The following ALG14 variants were observed in gnomAD, a reference collection of about 807,000 sequenced individuals.
ALG14 encodes the protein ALG14 UDP-N-acetylglucosaminyltransferase subunit.
ALG14 carries 17 observed loss-of-function variants against 22.8 expected under a neutral mutation model. The ratio of observed to expected loss-of-function variants is 0.75; its 90% CI spans 0.51 to 1.12. The LOEUF (loss-of-function observed/expected upper bound fraction) is 1.12, where lower values mean the gene tolerates loss of function less well. Ranked by LOEUF, ALG14 falls within the 50% of genes most tolerant of loss-of-function variation. ALG14 has a pLI of 0.00. For missense variants in ALG14, 288 were observed against 271.8 expected, an observed-to-expected ratio of 1.06 and a Z score of -0.42; for synonymous variants, 89 against 103.7, an observed-to-expected ratio of 0.86 and a Z score of 0.86.
intron 2 of ALG14, among the ~76,000 whole-genome samples, chr1:95,050,477 G>GCTTTAT (rs1674709447): frequency 3.9e-5 from 6 of 152,098 alleles, no homozygotes; most frequent in Admixed American, 1.3e-4. Flanking sequence ...GGTTCTGATA[G>GCTTTAT]AATAGCAATA....
chr1:95,040,792 A>G (rs1030412129), intron 2 of ALG14, among the ~76,000 whole-genome samples: 1 of 152,226 alleles, frequency 6.6e-6, no homozygotes, highest in South Asian at 2.1e-4. Flanking sequence ...ACAGTACTAT[A>G]TTATAAAATG....
chr1:95,040,948 A>G (rs1292798326), intron 2 of ALG14, among the ~76,000 whole-genome samples: 2 of 152,240 alleles, frequency 1.3e-5, no homozygotes, highest in Non-Finnish European at 2.9e-5. Context: ...TGATTTAAAG[A>G]AAGTTTAACC....
At chr1:95,072,671 A>G in intron 1 of ALG14, 92 bp downstream of exon 1, 1 of 1,515,884 alleles carries the variant, frequency 6.6e-7, no homozygotes, top group Non-Finnish European at 9.0e-7. Flanking sequence ...ACACTCCAAG[A>G]AGTGCTAAGG....
intron 2 of ALG14, among the ~76,000 whole-genome samples, chr1:95,051,222 C>T (rs140551126): frequency 2.8e-4 from 3 of 10,908 alleles, no homozygotes; most frequent in African/African-American, 4.1e-4. Context: ...ACCCCTCTAA[C>T]CTTCTCTGTG....
At chr1:95,023,975 C>T (rs1285290140) in intron 3 of ALG14, among the ~76,000 whole-genome samples, 1 of 152,174 alleles carries the variant, frequency 6.6e-6, no homozygotes, top group Non-Finnish European at 1.5e-5. Flanking sequence ...TTGGCCTTTA[C>T]CCTCAAGAAC....
intron 1 of ALG14, among the ~76,000 whole-genome samples, chr1:95,069,291 A>C (rs1367735853): frequency 1.1e-4 from 16 of 152,216 alleles, no homozygotes; most frequent in Admixed American, 1.0e-3. Flanking sequence ...GCCTGGGTAC[A>C]TAACAAGAGT....
At chr1:95,046,137 A>G (rs992425023) in intron 2 of ALG14, among the ~76,000 whole-genome samples, 146 of 152,210 alleles carry the variant, frequency 9.6e-4, no homozygotes, top group African/African-American at 3.4e-3. Flanking sequence ...TGGAATATCT[A>G]TTACACTGGT....
chr1:95,027,606 T>C (rs1199594890), intron 2 of ALG14, among the ~76,000 whole-genome samples: 1 of 152,216 alleles, frequency 6.6e-6, no homozygotes, highest in Admixed American at 6.5e-5. Context: ...AGTATCAAGA[T>C]GGGCAAAGAC....
At chr1:95,060,770 G>C (rs1246757589) in intron 2 of ALG14, among the ~76,000 whole-genome samples, 1 of 151,968 alleles carries the variant, frequency 6.6e-6, no homozygotes, top group Non-Finnish European at 1.5e-5. Flanking sequence ...TTATAGTTAA[G>C]ACTATTAATG....
In ALG14 at chr1:94,981,404, G is replaced by C. The variant is rs1268288753; in HGVS notation, c.*1672C>G. 6.7e-6 allele frequency: 1 copy of C among 149,920 alleles called. No individual in the cohort carries two copies. The highest frequency in any genetic ancestry group is 1.5e-5 in the Non-Finnish European group (1 of 67,844). The allele number at this position is 149,920 out of a possible 1,614,324, so 9.3% of individuals were successfully genotyped here. ...CAAAAACCTAGGAAGATGTCCGGCT[G>C]ACAGATGCGCCTGTTACATGATTCA... is the stretch of plus-strand genomic sequence containing the variant. On this transcript the variant is annotated 3_prime_UTR_variant, in exon 4 of 4. Transcript: ENST00000370205.
chr1:95,055,851 A>C (rs1674909540), intron 2 of ALG14, among the ~76,000 whole-genome samples: 1 of 140,682 alleles, frequency 7.1e-6, no homozygotes, highest in Admixed American at 7.0e-5. Flanking sequence ...AAAAAAAAAA[A>C]AAAAAAAAAT....
rs1203439789 is a variant in ALG14, at chr1:94,976,450, T to C, written c.*6626A>G. The C allele has an allele frequency of 6.6e-6, 1 of 152,162 alleles. No homozygotes were observed. The highest frequency in any genetic ancestry group is 1.5e-5 in the Non-Finnish European group (1 of 68,038). The allele number at this position is 152,162 out of a possible 1,614,324, so 9.4% of individuals were successfully genotyped here. On this transcript the variant is annotated 3_prime_UTR_variant, in exon 4 of 4. Transcript: ENST00000370205. ...GCTGACGCCTGTAATTCCAGCACTTTGGGAAGCCGAGGTGGGCGGATCACT... is the reference window on the plus strand; with the variant it reads ...GCTGACGCCTGTAATTCCAGCACTTCGGGAAGCCGAGGTGGGCGGATCACT...
chr1:94,976,133 G>T lies in ALG14; in HGVS notation c.*6943C>A, dbSNP rs1244410191. On this transcript the variant is annotated 3_prime_UTR_variant, in exon 4 of 4. Transcript: ENST00000370205. The stretch of plus-strand genomic sequence containing the variant: ...GAGGGCTTACTATTTAGCAGGCTCT[G>T]TGCTAAACACTGTACATACATCATC... The T allele has an allele frequency of 6.6e-6, 1 of 151,666 alleles. No individual in the cohort carries two copies. Among genetic ancestry groups the T allele is most frequent in the African/African-American group, 2.4e-5 (1 of 41,234 alleles). The allele number at this position is 151,666 out of a possible 1,614,324, so 9.4% of individuals were successfully genotyped here.
At chr1:95,059,397 C>CAAAAA (rs67569341) in intron 2 of ALG14, among the ~76,000 whole-genome samples, 1 of 78,584 alleles carries the variant, frequency 1.3e-5, no homozygotes, top group African/African-American at 5.8e-5. Flanking sequence ...GACTCTGTCT[C>CAAAAA]AAAAAAAAAA....
At chr1:94,991,161 T>A (rs540615578) in intron 3 of ALG14, among the ~76,000 whole-genome samples, 1 of 152,376 alleles carries the variant, frequency 6.6e-6, no homozygotes, top group East Asian at 1.9e-4. Flanking sequence ...ATATGACAGG[T>A]ATTGTTCTGA....
intron 2 of ALG14, among the ~76,000 whole-genome samples, chr1:95,060,168 ACACACACACG>A (rs1675091917): frequency 1.8e-5 from 2 of 108,824 alleles, no homozygotes; most frequent in Non-Finnish European, 3.9e-5. Flanking sequence ...ACACACACAC[ACACACACACG>A]TGGTGGTACC....
At chr1:95,066,338 C>A (rs112376185) in intron 1 of ALG14, among the ~76,000 whole-genome samples, 1,778 of 152,182 alleles carry the variant, frequency 0.012, 21 homozygotes, top group South Asian at 0.026. Flanking sequence ...ACTCTCCTGC[C>A]TCAGCCTCCC....
chr1:95,035,441 T>C (rs1674154507), intron 2 of ALG14, among the ~76,000 whole-genome samples: 1 of 152,224 alleles, frequency 6.6e-6, no homozygotes, highest in Non-Finnish European at 1.5e-5. Flanking sequence ...TAGTACTCTG[T>C]ATGCCCACAA....
At chr1:95,000,683 T>C (rs1464268943) in intron 3 of ALG14, among the ~76,000 whole-genome samples, 1 of 146,132 alleles carries the variant, frequency 6.8e-6, no homozygotes, top group Non-Finnish European at 1.5e-5. Flanking sequence ...AGTTCTGTAA[T>C]ACATAAACCA....
Sources: gnomAD v4.1 joint callset for allele counts (sites outside exome capture counted in the v4.1 genomes callset) on GRCh38, gnomAD v4.1.1 for gene constraint, MANE v1.5 for transcripts, NCBI Gene and HGNC (gene_info 2026-07-23, HGNC 2026-07-21) for gene names.